The following SDK1 variants were observed in gnomAD, a reference collection of about 807,000 sequenced individuals.
SDK1 encodes the protein protein sidekick-1.
Under a neutral mutation model 245.5 loss-of-function variants are expected in SDK1, and 157 were observed. The ratio of observed to expected loss-of-function variants is 0.64; its 90% CI spans 0.56 to 0.73. The LOEUF (loss-of-function observed/expected upper bound fraction) is 0.73. Ranked by LOEUF, SDK1 falls within the 30% of genes least tolerant of loss-of-function variation. The probability of loss-of-function intolerance (pLI) is 0.00; values close to 1 mark genes in which losing one functional copy is unlikely to be tolerated. For synonymous variants in SDK1, 1,647 were observed against 1,278.5 expected (o/e 1.29, Z -6.15); for missense variants, 3,583 against 3,002.3 (o/e 1.19, Z -4.52).
At position 3,503,202 on chromosome 7, in the gene SDK1, G is replaced by A. The variant is rs140199915; in HGVS notation, c.299-115878G>A. Among the ~76,000 whole-genome samples, 724 of 152,222 alleles carry A rather than the reference G, an allele frequency of 4.8e-3. 10 individuals carry two copies. The highest frequency in any genetic ancestry group is 0.016 in the African/African-American group (683 of 41,534). ...ATAAATTCAAGGTTTTTAAGAATTT[G>A]TCAACTCCCTGGAAGAAGAAGAAGT... On this transcript the variant is annotated intron_variant, in intron 1 of 44. Coordinates refer to ENST00000404826, the MANE Select transcript of SDK1 (RefSeq NM_152744.4).
At chr7:3,753,148 A>C (rs1011687417) in intron 4 of SDK1, among the ~76,000 whole-genome samples, 1 of 152,190 alleles carries the variant, frequency 6.6e-6, no homozygotes, top group African/African-American at 2.4e-5. Flanking sequence ...ATTTTCAGGA[A>C]TGGTCATTAA....
At chr7:3,571,693 T>G (rs903945946) in intron 1 of SDK1, among the ~76,000 whole-genome samples, 1 of 152,106 alleles carries the variant, frequency 6.6e-6, no homozygotes, top group African/African-American at 2.4e-5. Flanking sequence ...CTAAAACCTT[T>G]TTGAAGTAAT....
At chr7:3,741,192 C>G (rs572443500) in intron 4 of SDK1, among the ~76,000 whole-genome samples, 11 of 152,324 alleles carry the variant, frequency 7.2e-5, no homozygotes, top group African/African-American at 2.6e-4. Flanking sequence ...AGAGAGCTTG[C>G]TGGGACAGTC....
chr7:3,726,324 GT>G (rs1201981738), intron 4 of SDK1, among the ~76,000 whole-genome samples: 1 of 152,206 alleles, frequency 6.6e-6, no homozygotes, highest in Non-Finnish European at 1.5e-5. Flanking sequence ...GAAGAACGAA[GT>G]TAGTGCTTTT....
At chr7:3,321,805 CT>C (rs1298617943) in intron 1 of SDK1, among the ~76,000 whole-genome samples, 4 of 123,682 alleles carry the variant, frequency 3.2e-5, no homozygotes, top group African/African-American at 6.5e-5. Context: ...TCCTTCCTTC[CT>C]TCCTTCCTTC....
At chr7:3,304,105 C>G (rs1282139484) in intron 1 of SDK1, among the ~76,000 whole-genome samples, 2 of 152,204 alleles carry the variant, frequency 1.3e-5, no homozygotes, top group Non-Finnish European at 2.9e-5. Context: ...ACCTAGGTTA[C>G]AGACCCTCTA....
At chr7:4,250,443 A>G (rs6946599) in intron 44 of SDK1, among the ~76,000 whole-genome samples, 42,181 of 151,902 alleles carry the variant, frequency 0.28, 6,252 homozygotes, top group African/African-American at 0.36. Context: ...TCCTGGGTTC[A>G]AGCAATTCTC....
chr7:3,473,856 T>C (rs1408222517), intron 1 of SDK1, among the ~76,000 whole-genome samples: 1 of 152,070 alleles, frequency 6.6e-6, no homozygotes, highest in Non-Finnish European at 1.5e-5. Flanking sequence ...TTCTAATTTT[T>C]TTTTCCTCTC....
intron 1 of SDK1, among the ~76,000 whole-genome samples, chr7:3,578,205 C>A (rs546930433): frequency 2.6e-5 from 4 of 151,886 alleles, no homozygotes; most frequent in Non-Finnish European, 1.5e-5. Flanking sequence ...CATCACATAT[C>A]GGTAGGACCA....
At chr7:3,749,647 A>G (rs1779722314) in intron 4 of SDK1, among the ~76,000 whole-genome samples, 1 of 152,208 alleles carries the variant, frequency 6.6e-6, no homozygotes, top group Admixed American at 6.5e-5. Context: ...AAGTTCTGAT[A>G]CAAGGATAGA....
chr7:4,107,270 C>T lies in SDK1; in HGVS notation c.3325-3393C>T, dbSNP rs543767199. On this transcript the variant is annotated intron_variant, in intron 22 of 44. Transcript: ENST00000404826. ...TTGAGAGTAAGTTGAACCCGCCAGG[C>T]GTCTGTTTCCCCCTCACACATGCAC... Among the ~76,000 whole-genome samples, 6 of 152,178 alleles carry T rather than the reference C, an allele frequency of 3.9e-5. No homozygotes were observed. In the South Asian group the frequency reaches 6.2e-4, roughly 16 times the overall value.
At chr7:4,030,561 C>T (rs1055739864) in intron 17 of SDK1, among the ~76,000 whole-genome samples, 5 of 152,228 alleles carry the variant, frequency 3.3e-5, no homozygotes, top group Admixed American at 2.6e-4. Flanking sequence ...GGCACCTTCT[C>T]CTCCAGTCTG....
At chr7:3,915,581 G>A (rs1779346144) in intron 5 of SDK1, among the ~76,000 whole-genome samples, 1 of 152,142 alleles carries the variant, frequency 6.6e-6, no homozygotes, top group African/African-American at 2.4e-5. Flanking sequence ...TGATGGTGGG[G>A]CCTCCCCAGT....
At chr7:3,563,369 GAC>G (rs913698962) in intron 1 of SDK1, among the ~76,000 whole-genome samples, 1 of 151,960 alleles carries the variant, frequency 6.6e-6, no homozygotes, top group African/African-American at 2.4e-5. Flanking sequence ...GGTTATAAGA[GAC>G]ACACTTCAAA....
chr7:3,486,052 T>A (rs187856856), intron 1 of SDK1, among the ~76,000 whole-genome samples: 1 of 152,068 alleles, frequency 6.6e-6, no homozygotes, highest in Admixed American at 6.5e-5. Flanking sequence ...TCTGAAAAAC[T>A]CTTCATTAAA....
At chr7:3,485,172 C>A (rs765592377) in intron 1 of SDK1, among the ~76,000 whole-genome samples, 2 of 152,110 alleles carry the variant, frequency 1.3e-5, no homozygotes, top group South Asian at 4.2e-4. Flanking sequence ...TTGTTATTTT[C>A]TGTCTTTTTG....
At chr7:3,407,650 AT>A (rs1219095082) in intron 1 of SDK1, among the ~76,000 whole-genome samples, 1 of 152,216 alleles carries the variant, frequency 6.6e-6, no homozygotes, top group Non-Finnish European at 1.5e-5. Context: ...ACATTATAAA[AT>A]ATTATAAACT....
chr7:3,307,247 A>G (rs1779439252), intron 1 of SDK1, among the ~76,000 whole-genome samples: 1 of 152,122 alleles, frequency 6.6e-6, no homozygotes, highest in African/African-American at 2.4e-5. Context: ...TTTTTTAAAA[A>G]AAGGGCATAA....
chr7:3,710,952 A>G (rs1054614041), intron 4 of SDK1, among the ~76,000 whole-genome samples: 1 of 152,246 alleles, frequency 6.6e-6, no homozygotes, highest in Admixed American at 6.5e-5. Flanking sequence ...TACAAAGTGT[A>G]TTTGAAAGCT....
Sources: allele counts gnomAD v4.1 joint callset (sites outside exome capture counted in the v4.1 genomes callset), GRCh38; gene constraint gnomAD v4.1.1; transcripts MANE v1.5; gene names NCBI Gene and HGNC (gene_info 2026-07-23, HGNC 2026-07-21).